ERLEC1: variants seen among roughly 807,000 people sequenced by gnomAD.
ERLEC1 encodes endoplasmic reticulum lectin 1, also known as ER lectin.
ERLEC1 carries 47 observed loss-of-function variants against 68.0 expected under a neutral mutation model. The observed-to-expected ratio is 0.69, with a 90% CI of 0.55 to 0.88. ERLEC1 has a LOEUF of 0.88. ERLEC1 is among the 40% of genes least tolerant of loss of function. ERLEC1 has a pLI of 0.00. For missense variants in ERLEC1, 567 were observed against 583.8 expected, an observed-to-expected ratio of 0.97 and a Z score of 0.30; for synonymous variants, 225 against 203.2, an observed-to-expected ratio of 1.11 and a Z score of -0.91.
chr2:53,798,432 CG>C (rs550218461), intron 5 of ERLEC1, among the ~76,000 whole-genome samples: 10 of 151,820 alleles, frequency 6.6e-5, no homozygotes, highest in African/African-American at 2.2e-4. Context: ...CACTAATTTT[CG>C]TATTTGTTGT....
chr2:53,790,698 T>G (rs764608764), intron 1 of ERLEC1, among the ~76,000 whole-genome samples: 9 of 151,730 alleles, frequency 5.9e-5, no homozygotes, highest in Non-Finnish European at 1.0e-4. Flanking sequence ...GGTTTCAAAC[T>G]CCTGGTCAAA....
intron 1 of ERLEC1, among the ~76,000 whole-genome samples, chr2:53,788,260 TC>T (rs1164649692): frequency 6.6e-5 from 10 of 152,236 alleles, no homozygotes; most frequent in African/African-American, 2.4e-4. Context: ...TTATATTCTT[TC>T]ATTACCATTT....
chr2:53,813,052 A>C lies in ERLEC1; in HGVS notation c.1205A>C (p.Asp402Ala), dbSNP rs1197901896. The change falls in exon 11 of 14, where the codon GAC becomes GCC. Residue 402 changes from aspartate (D) to alanine (A), a missense_variant. By Grantham distance (126) the Asp-to-Ala change is moderately radical (BLOSUM62 -2). Transcript: ENST00000185150. ...KNTARAYHLQ[D>A]DGTQTVRMVS... The stretch of plus-strand genomic sequence containing the variant: ...ACTGCTAGAGCTTATCATCTTCAAG[A>C]CGATGGTACCCAGACAGTCAGGTAA... 1.2e-6 allele frequency: 2 copies of C among 1,612,256 alleles called. No homozygotes were observed. Among genetic ancestry groups the C allele is most frequent in the African/African-American group, 1.3e-5 (1 of 74,880 alleles).
chr2:53,813,122 A>G (rs1353664599), intron 11 of ERLEC1, 49 bp downstream of exon 11: 1 of 1,577,012 alleles, frequency 6.3e-7, no homozygotes, highest in Admixed American at 2.1e-5. Flanking sequence ...ACAATTTCTA[A>G]AACTCAAAAT....
chr2:53,796,317 G>C (rs1195915127), intron 3 of ERLEC1, among the ~76,000 whole-genome samples: 1 of 144,504 alleles, frequency 6.9e-6, no homozygotes, highest in Non-Finnish European at 1.5e-5. Flanking sequence ...CCCTAAGTCT[G>C]TTATTCCCCT....
rs888511874 is a variant in ERLEC1 at position 53,794,342 on chromosome 2, C to T, written c.163-3C>T. On this transcript the variant is annotated splice_polypyrimidine_tract_variant and splice_region_variant and intron_variant, in intron 1 of 13. Coordinates refer to ENST00000185150, the MANE Select transcript of ERLEC1 (RefSeq NM_015701.5). ...TAATGTATGTTTTTTCTTCTATTTG[C>T]AGCCCACAACTGGAGTTTTATATAA... 4 of 1,420,306 alleles carry T rather than the reference C, an allele frequency of 2.8e-6. No homozygotes were observed. The highest frequency in any genetic ancestry group is 3.9e-6 in the Non-Finnish European group (4 of 1,036,856). The allele number at this position is 1,420,306 out of a possible 1,614,324, so 88.0% of individuals were successfully genotyped here.
intron 6 of ERLEC1, 141 bp downstream of exon 6, chr2:53,799,222 CTT>C: frequency 1.5e-6 from 1 of 678,492 alleles, no homozygotes; most frequent in Non-Finnish European, 2.5e-6. Context: ...GTCAAAGAAT[CTT>C]TGCAGTATAT....
intron 5 of ERLEC1, 102 bp from the exon 6 acceptor site, chr2:53,798,942 CCTT>C (rs1221368914): frequency 3.4e-6 from 3 of 881,146 alleles, no homozygotes; most frequent in Non-Finnish European, 5.2e-6. Context: ...GTGTTTTGGA[CCTT>C]CTTTAGAAAG....
At chr2:53,801,354 C>T (rs1438027506) in intron 6 of ERLEC1, 43 bp from the exon 7 acceptor site, 3 of 1,495,892 alleles carry the variant, frequency 2.0e-6, no homozygotes, top group Non-Finnish European at 2.8e-6. Context: ...AGTCCCATCT[C>T]CATGTCTAAT....
intron 1 of ERLEC1, among the ~76,000 whole-genome samples, chr2:53,788,932 T>C (rs1213040007): frequency 6.6e-6 from 1 of 151,886 alleles, no homozygotes; most frequent in East Asian, 1.9e-4. Flanking sequence ...GGCACCTGTG[T>C]TTTTTTTAAT....
chr2:53,814,127 C>G (rs1183092048), intron 11 of ERLEC1, among the ~76,000 whole-genome samples: 1 of 152,270 alleles, frequency 6.6e-6, no homozygotes, highest in East Asian at 1.9e-4. Flanking sequence ...TAGGCTTTGT[C>G]TTCTATACTA....
At chr2:53,801,288 A>G (rs1306241671) in intron 6 of ERLEC1, 109 bp from the exon 7 acceptor site, 8 of 675,828 alleles carry the variant, frequency 1.2e-5, no homozygotes, top group Non-Finnish European at 1.7e-5. Flanking sequence ...CCTTTCAGTT[A>G]ATTAGTAAAA....
At chr2:53,806,753 A>G (rs1424401220) in intron 8 of ERLEC1, among the ~76,000 whole-genome samples, 1 of 152,246 alleles carries the variant, frequency 6.6e-6, no homozygotes, top group East Asian at 1.9e-4. Flanking sequence ...GGGACATAGT[A>G]TCCACCATAT....
chr2:53,799,566 G>A (rs1300923001), intron 6 of ERLEC1, among the ~76,000 whole-genome samples: 3 of 152,132 alleles, frequency 2.0e-5, no homozygotes, highest in Admixed American at 1.3e-4. Context: ...TTAATAGAAA[G>A]AATGGATAAA....
At chr2:53,792,006 G>A (rs1243835922) in intron 1 of ERLEC1, among the ~76,000 whole-genome samples, 1 of 151,682 alleles carries the variant, frequency 6.6e-6, no homozygotes, top group Non-Finnish European at 1.5e-5. Context: ...CCGCCTCCCG[G>A]GTTCACGCCA....
At chr2:53,787,434 C>T (rs1573053404) in intron 1 of ERLEC1, 62 bp downstream of exon 1, 2 of 1,522,540 alleles carry the variant, frequency 1.3e-6, no homozygotes, top group Non-Finnish European at 1.8e-6. Flanking sequence ...TCGGCCTCTT[C>T]CCTCGGTTTT....
At chr2:53,817,519 AT>A (rs1676964516) in intron 13 of ERLEC1, among the ~76,000 whole-genome samples, 1 of 152,110 alleles carries the variant, frequency 6.6e-6, no homozygotes, top group South Asian at 2.1e-4. Flanking sequence ...TTATTATAAC[AT>A]TTGATAATTT....
rs1349369046 is a variant in ERLEC1 at position 53,818,534 on chromosome 2, A to C, written c.*565A>C. 1 of 152,198 alleles carries C rather than the reference A, an allele frequency of 6.6e-6. No homozygotes were observed. Among genetic ancestry groups the C allele is most frequent in the African/African-American group, 2.4e-5 (1 of 41,440 alleles). 9.4% of individuals were successfully genotyped at this position (152,198 alleles called of 1,614,324 possible). A position where few individuals can be genotyped will look rare whatever the true frequency, so the allele number is the denominator to read the frequency against. On this transcript the variant is annotated 3_prime_UTR_variant, in exon 14 of 14. Coordinates refer to ENST00000185150, the MANE Select transcript of ERLEC1 (RefSeq NM_015701.5). The stretch of plus-strand genomic sequence containing the variant: ...CATGGGAGTTGTCCTCACCCTTGTT[A>C]ATCTCAAGAAACTCTTATTTATAAT...
intron 10 of ERLEC1, among the ~76,000 whole-genome samples, chr2:53,812,153 AT>A (rs1410115987): frequency 6.6e-6 from 1 of 152,026 alleles, no homozygotes; most frequent in Non-Finnish European, 1.5e-5. Context: ...ACCTCAGGTG[AT>A]TTCGCCCACC....
Sources: allele counts gnomAD v4.1 joint callset (sites outside exome capture counted in the v4.1 genomes callset), GRCh38; gene constraint gnomAD v4.1.1; transcripts MANE v1.5; gene names NCBI Gene and HGNC (gene_info 2026-07-23, HGNC 2026-07-21).